The following SEC31B variants were observed in gnomAD, a reference collection of about 807,000 sequenced individuals.
The protein encoded by SEC31B is protein transport protein Sec31B.
Under a neutral mutation model 135.0 loss-of-function variants are expected in SEC31B, and 113 were observed. The ratio of observed to expected loss-of-function variants is 0.84; its 90% CI spans 0.72 to 0.98. The LOEUF is 0.98. Ranked by LOEUF, SEC31B falls within the 50% of genes least tolerant of loss-of-function variation. The pLI, the probability that SEC31B is intolerant of heterozygous loss-of-function variation, is 0.00. For synonymous variants in SEC31B, 508 were observed against 549.4 expected, an observed-to-expected ratio of 0.92 and a Z score of 1.05; for missense variants, 1,296 against 1,421.1, an observed-to-expected ratio of 0.91 and a Z score of 1.42.
chr10:100,508,992 G>A lies in SEC31B; in HGVS notation c.495+15C>T, dbSNP rs1433109548. On this transcript the variant is annotated intron_variant, in intron 5 of 25. Coordinates refer to ENST00000370345, the MANE Select transcript of SEC31B (RefSeq NM_015490.4). ...GCTGCACACTCCAGGGTTGGGTAGT[G>A]GGGGTGCTGCTCACCTGTGACTTGG... 2 of 1,599,316 alleles carry A rather than the reference G, an allele frequency of 1.3e-6. No individual in the cohort carries two copies. Among genetic ancestry groups the A allele is most frequent in the Admixed American group, 3.3e-5 (2 of 59,974 alleles).
In SEC31B at chr10:100,490,178, T is replaced by C. The variant is rs560602630; in HGVS notation, c.2795A>G (p.Glu932Gly). 1.9e-6 allele frequency: 3 copies of C among 1,607,260 alleles called. No individual in the cohort carries two copies. In the South Asian group the frequency reaches 3.3e-5, roughly 18 times the overall value. Residue 932 changes from glutamate (E) to glycine (G), a missense_variant, in exon 21 of 26, where the codon GAG (glutamate) becomes GGG (glycine). Coordinates refer to ENST00000370345, the MANE Select transcript of SEC31B (RefSeq NM_015490.4). Reference protein sequence around the residue: ...IMRPGSTSLPETPRLFPLLPL... With the variant: ...IMRPGSTSLPGTPRLFPLLPL... ...AAGCAGAGGGAACAGTCTAGGAGTCTCAGGCAGGGAGGTAGAGCCAGGTCG... is the reference window on the plus strand; with the variant it reads ...AAGCAGAGGGAACAGTCTAGGAGTCCCAGGCAGGGAGGTAGAGCCAGGTCG...
intron 10 of SEC31B, among the ~76,000 whole-genome samples, chr10:100,504,283 C>T (rs1054527394): frequency 1.3e-5 from 2 of 152,176 alleles, no homozygotes; most frequent in Non-Finnish European, 2.9e-5. Flanking sequence ...GTTAGTCTTG[C>T]CTCCCCAGTA....
At chr10:100,503,266 T>C (rs1410871216) in intron 10 of SEC31B, among the ~76,000 whole-genome samples, 1 of 152,122 alleles carries the variant, frequency 6.6e-6, no homozygotes, top group Non-Finnish European at 1.5e-5. Flanking sequence ...AAACCCTTTT[T>C]ACTCCAGCAG....
chr10:100,498,845 C>T (rs1348633234), intron 13 of SEC31B, 41 bp from the exon 14 acceptor site: 1 of 1,446,684 alleles, frequency 6.9e-7, no homozygotes, highest in South Asian at 1.2e-5. Flanking sequence ...AGGGATGAAC[C>T]CAAGACAGAC....
rs564407847 is a variant in SEC31B, at chr10:100,495,419, G to A, written c.2438C>T (p.Ser813Leu). ...AGGCTGGGATCCCAATCTGTAAGAT[G>A]ATGTCTCTTTAGAGTGGAGGGTAGC... Reference protein sequence around the residue: ...VGATLHSKETSSYRLGSQPSH... With the variant: ...VGATLHSKETLSYRLGSQPSH... Residue 813 changes from serine (S) to leucine (L), a missense_variant, in exon 19 of 26, where the codon TCA becomes TTA. By Grantham distance (145) the Ser-to-Leu change is moderately radical. Transcript: ENST00000370345. 7 of 1,614,014 alleles carry A rather than the reference G, an allele frequency of 4.3e-6. No homozygotes were observed. The South Asian group carries it at 7.7e-5, about 18-fold the overall frequency.
At position 100,496,281 on chromosome 10, in the gene SEC31B, A is replaced by G. The variant is rs1851406597; in HGVS notation, c.2287T>C (p.Phe763Leu). The G allele has an allele frequency of 3.1e-6, 5 of 1,614,024 alleles. No homozygotes were observed. Among genetic ancestry groups the G allele is most frequent in the African/African-American group, 2.7e-5 (2 of 74,928 alleles). ...ACCTGAGCACAGTCCCTGGGTAGAA[A>G]GCTCATGGCAGTGGCCAGGCTGCCC... ...AQGSLATAMS[F>L]LPRDCAQPPV... Residue 763 changes from phenylalanine (F) to leucine (L), a missense_variant, in exon 18 of 26, where the codon TTT becomes CTT. By Grantham distance (22) the Phe-to-Leu change is conservative. Transcript: ENST00000370345.
At chr10:100,516,849 A>G in intron 2 of SEC31B, 25 bp downstream of exon 2, 1 of 1,569,738 alleles carries the variant, frequency 6.4e-7, no homozygotes, top group South Asian at 1.1e-5. Flanking sequence ...CTCCCAGTGG[A>G]TCCTAATTCA....
chr10:100,487,780 C>T lies in SEC31B; in HGVS notation c.3376G>A (p.Val1126Met), dbSNP rs373491242. The change falls in exon 26 of 26, where the codon GTG becomes ATG. Residue 1126 changes from valine (V) to methionine (M), a missense_variant. Physicochemically the swap from Val to Met is conservative, Grantham distance 21. Coordinates refer to ENST00000370345, the MANE Select transcript of SEC31B (RefSeq NM_015490.4). ...LCEGTLSPHVVAGLHEVARCV... is the reference protein window; with the variant it reads ...LCEGTLSPHVMAGLHEVARCV... ...CGGGCAACCTCATGGAGCCCAGCCA[C>T]GACATGAGGTGAGAGCTGTGGAGGG... The T allele has an allele frequency of 8.8e-5, 142 of 1,614,014 alleles. No homozygotes were observed. Among genetic ancestry groups the T allele is most frequent in the South Asian group, 7.5e-4 (68 of 91,044 alleles).
intron 25 of SEC31B, 60 bp downstream of exon 25, chr10:100,487,967 T>C: frequency 6.3e-7 from 1 of 1,575,936 alleles, no homozygotes; most frequent in Non-Finnish European, 8.7e-7. Context: ...CTGGGCTTCC[T>C]TTGGCCATGG....
At chr10:100,489,930 G>A (rs1851267191) in intron 21 of SEC31B, 78 bp downstream of exon 21, 3 of 1,530,414 alleles carry the variant, frequency 2.0e-6, no homozygotes, top group East Asian at 4.5e-5. Context: ...CCTCTGACTT[G>A]AGGAAAGACT....
At chr10:100,498,303 C>T (rs1038033689) in intron 14 of SEC31B, 96 bp from the exon 15 acceptor site, 4 of 1,165,928 alleles carry the variant, frequency 3.4e-6, no homozygotes, top group Non-Finnish European at 4.9e-6. Flanking sequence ...ATCTCTATAT[C>T]ACTCAGTGTG....
chr10:100,511,140 A>C (rs1049424167), intron 3 of SEC31B, among the ~76,000 whole-genome samples: 2 of 152,254 alleles, frequency 1.3e-5, no homozygotes, highest in Non-Finnish European at 2.9e-5. Context: ...CAGTTACTTC[A>C]GAGTGGCAGT....
chr10:100,519,133 A>G (rs1851901396), intron 1 of SEC31B, among the ~76,000 whole-genome samples: 1 of 152,250 alleles, frequency 6.6e-6, no homozygotes, highest in Non-Finnish European at 1.5e-5. Context: ...CAGCATCAAG[A>G]GCCCGTATTT....
chr10:100,498,609 G>A (rs746268115), intron 14 of SEC31B, 96 bp downstream of exon 14: 90 of 837,538 alleles, frequency 1.1e-4, no homozygotes, highest in Non-Finnish European at 1.5e-4. Context: ...AGGAAGGCAC[G>A]AGGCAGGGGA....
In SEC31B at chr10:100,489,331, T is replaced by G; in HGVS notation, c.3092A>C (p.Gln1031Pro). The G allele has an allele frequency of 6.2e-7, 1 of 1,613,880 alleles. No homozygotes were observed. Among genetic ancestry groups the G allele is most frequent in the Non-Finnish European group, 8.5e-7 (1 of 1,179,952 alleles). The change falls in exon 23 of 26, where the codon CAA (glutamine) becomes CCA (proline). Residue 1031 changes from glutamine to proline, a missense_variant. Transcript: ENST00000370345. ...AGGGGGCTGTGAGGGAAGAATCCCT[T>G]GTAGCTCAGGGGTGAGGCTCATAAC... Reference protein sequence around the residue: ...APVMSLTPELQGILPSQPPVS... With the variant: ...APVMSLTPELPGILPSQPPVS...
Position 100,490,822 on chromosome 10 carries a change from A to G in SEC31B, c.2534T>C (p.Leu845Ser). The stretch of plus-strand genomic sequence containing the variant: ...ATAAGGGCTAGGATGGGAAGGTGCC[A>G]AGGGCATCGCTGGTGATGACTGAGG... ...FTPQSSPAMPLAPSHPSPYQG... is the reference protein window; with the variant it reads ...FTPQSSPAMPSAPSHPSPYQG... Residue 845 changes from leucine (L) to serine (S), a missense_variant, in exon 20 of 26, where the codon TTG (leucine) becomes TCG (serine). Transcript: ENST00000370345. The G allele has an allele frequency of 6.2e-7, 1 of 1,603,156 alleles. No individual in the cohort carries two copies. The highest frequency in any genetic ancestry group is 1.7e-5 in the Admixed American group (1 of 59,716).
chr10:100,501,300 C>T (rs1286109496), intron 11 of SEC31B, among the ~76,000 whole-genome samples: 2 of 152,072 alleles, frequency 1.3e-5, no homozygotes, highest in Non-Finnish European at 2.9e-5. Flanking sequence ...TCCCTCTGTC[C>T]TATAGGTACC....
chr10:100,513,666 C>T lies in SEC31B; in HGVS notation c.203+2430G>A, dbSNP rs539166522. Among the ~76,000 whole-genome samples, 493 of 151,626 alleles carry T rather than the reference C, an allele frequency of 3.3e-3. 4 individuals carry two copies. Among genetic ancestry groups the T allele is most frequent in the South Asian group, 0.014 (69 of 4,778 alleles). ...TGCATTTTTAGTAGAGACGGGGTTT[C>T]ACTATGTTGGCCAGGCTGGTCTTGA... On this transcript the variant is annotated intron_variant, in intron 3 of 25. Coordinates refer to ENST00000370345, the MANE Select transcript of SEC31B (RefSeq NM_015490.4).
At chr10:100,501,456 C>CT (rs1851523313) in intron 11 of SEC31B, among the ~76,000 whole-genome samples, 1 of 152,208 alleles carries the variant, frequency 6.6e-6, no homozygotes, top group South Asian at 2.1e-4. Context: ...TCTGGCTTCA[C>CT]TGTATAGTCA....
Sources: allele counts gnomAD v4.1 joint callset (sites outside exome capture counted in the v4.1 genomes callset), GRCh38; gene constraint gnomAD v4.1.1; transcripts MANE v1.5; gene names NCBI Gene and HGNC (gene_info 2026-07-23, HGNC 2026-07-21).